PAM: variants seen among roughly 807,000 people sequenced by gnomAD.
PAM encodes the protein peptidyl-glycine alpha-amidating monooxygenase.
Under a neutral mutation model 122.1 loss-of-function variants are expected in PAM, and 72 were observed. The ratio of observed to expected loss-of-function variants is 0.59; its 90% CI spans 0.49 to 0.72. The LOEUF (loss-of-function observed/expected upper bound fraction) is 0.72, where lower values mean the gene tolerates loss of function less well. Among genes scored for constraint, PAM ranks in the 30% least tolerant of loss-of-function variants. The probability of loss-of-function intolerance (pLI) is 0.00; values close to 1 mark genes in which losing one functional copy is unlikely to be tolerated. For missense variants in PAM, 1,106 were observed against 1,183.7 expected (o/e 0.93, Z 0.96); for synonymous variants, 389 against 404.4 (o/e 0.96, Z 0.46).
At chr5:102,864,651 G>A (rs1041431790) in intron 1 of PAM, 8 of 151,946 alleles carry the variant, frequency 5.3e-5, no homozygotes, top group Non-Finnish European at 7.4e-5. Context: ...GATTTCCAGA[G>A]GCTGATGTAT....
chr5:102,804,569 TG>T (rs1765720481), intron 1 of PAM, among the ~76,000 whole-genome samples: 1 of 152,190 alleles, frequency 6.6e-6, no homozygotes, highest in South Asian at 2.1e-4. Context: ...GAAATCCAAA[TG>T]CTCATAATAA....
chr5:102,897,972 C>T (rs545975889), intron 3 of PAM, among the ~76,000 whole-genome samples: 20 of 151,616 alleles, frequency 1.3e-4, no homozygotes, highest in East Asian at 5.9e-4. Flanking sequence ...CATCTCTATT[C>T]GCAAACAACT....
intron 1 of PAM, among the ~76,000 whole-genome samples, chr5:102,773,915 A>G (rs1055242471): frequency 1.3e-5 from 2 of 151,882 alleles, no homozygotes; most frequent in Non-Finnish European, 1.5e-5. Flanking sequence ...TTCATTCTTC[A>G]TGTTCATAGT....
chr5:102,979,030 TCACACA>T (rs10578523), intron 15 of PAM, among the ~76,000 whole-genome samples: 1,943 of 146,992 alleles, frequency 0.013, 24 homozygotes, highest in African/African-American at 0.04. Flanking sequence ...TTATTCTGCA[TCACACA>T]CACACACACA....
intron 1 of PAM, among the ~76,000 whole-genome samples, chr5:102,768,806 T>C (rs1754923789): frequency 6.6e-6 from 1 of 152,210 alleles, no homozygotes; most frequent in Admixed American, 6.5e-5. Context: ...AGTGCAGATA[T>C]CTCTTCAATA....
At chr5:102,923,688 G>A (rs1343113303) in intron 5 of PAM, among the ~76,000 whole-genome samples, 1 of 152,142 alleles carries the variant, frequency 6.6e-6, no homozygotes, top group Non-Finnish European at 1.5e-5. Context: ...CTGAGTTACC[G>A]CACTGAGTGC....
At chr5:102,965,180 C>CACACAT (rs1432365282) in intron 14 of PAM, among the ~76,000 whole-genome samples, 1 of 151,358 alleles carries the variant, frequency 6.6e-6, no homozygotes, top group Non-Finnish European at 1.5e-5. Flanking sequence ...CACACACACA[C>CACACAT]ACACACACAC....
chr5:102,987,024 A>T (rs1446718939), intron 15 of PAM, among the ~76,000 whole-genome samples: 2 of 152,178 alleles, frequency 1.3e-5, no homozygotes, highest in Admixed American at 1.3e-4. Flanking sequence ...CAATCTACAG[A>T]TTTAGTGCAA....
intron 12 of PAM, among the ~76,000 whole-genome samples, chr5:102,952,752 T>A (rs1759366339): frequency 6.6e-6 from 1 of 152,196 alleles, no homozygotes; most frequent in African/African-American, 2.4e-5. Flanking sequence ...CATAGATGAT[T>A]ACAGGATCAC....
intron 12 of PAM, among the ~76,000 whole-genome samples, chr5:102,955,542 A>G (rs545076170): frequency 6.6e-6 from 1 of 152,100 alleles, no homozygotes; most frequent in Non-Finnish European, 1.5e-5. Flanking sequence ...AGGCTCACAC[A>G]TTATGTCAGA....
intron 7 of PAM, among the ~76,000 whole-genome samples, chr5:102,944,255 T>C (rs1756236611): frequency 6.6e-6 from 1 of 152,048 alleles, no homozygotes; most frequent in Non-Finnish European, 1.5e-5. Context: ...ACACTAAAAT[T>C]ATTTTTATTG....
intron 1 of PAM, among the ~76,000 whole-genome samples, chr5:102,806,324 C>G (rs1051619783): frequency 1.3e-5 from 2 of 152,184 alleles, no homozygotes; most frequent in African/African-American, 4.8e-5. Context: ...GCCAGGATTG[C>G]AAGCCCAGAA....
chr5:102,860,637 G>A (rs550635135), intron 1 of PAM, among the ~76,000 whole-genome samples: 4 of 151,812 alleles, frequency 2.6e-5, no homozygotes, highest in African/African-American at 9.7e-5. Context: ...AGTGAGCTAA[G>A]ATCATGCCAC....
At chr5:102,970,070 A>G (rs1765346694) in intron 14 of PAM, among the ~76,000 whole-genome samples, 1 of 152,152 alleles carries the variant, frequency 6.6e-6, no homozygotes, top group Non-Finnish European at 1.5e-5. Flanking sequence ...AGATCAAAAT[A>G]AAGAGTCTAT....
At position 102,958,360 on chromosome 5, in the gene PAM, T is replaced by G. The variant is rs1761442874; in HGVS notation, c.906-1515T>G. Reference sequence around the variant, plus strand: ...GCCACATCTAAAATTCCTTTTTCCTTTTTGCTCAGTTGATCTACATATACC... The same window carrying G: ...GCCACATCTAAAATTCCTTTTTCCTGTTTGCTCAGTTGATCTACATATACC... On this transcript the variant is annotated intron_variant, in intron 12 of 25. Transcript: ENST00000438793. Among the ~76,000 whole-genome samples the G allele has an allele frequency of 3.3e-5, 5 of 152,316 alleles. No homozygotes were observed. The South Asian group carries it at 1.0e-3, about 32-fold the overall frequency.
intron 12 of PAM, among the ~76,000 whole-genome samples, chr5:102,958,336 C>T (rs979462667): frequency 6.6e-6 from 1 of 152,164 alleles, no homozygotes; most frequent in Non-Finnish European, 1.5e-5. Flanking sequence ...AAAGCTAGAG[C>T]CACATCTAAA....
At chr5:102,920,633 T>C (rs895236924) in intron 5 of PAM, among the ~76,000 whole-genome samples, 1 of 152,126 alleles carries the variant, frequency 6.6e-6, no homozygotes, top group Admixed American at 6.6e-5. Flanking sequence ...ACTGAATGCA[T>C]TTTGAAAGGT....
chr5:102,873,988 G>A (rs1232270542), intron 3 of PAM, among the ~76,000 whole-genome samples: 1 of 152,136 alleles, frequency 6.6e-6, no homozygotes, highest in African/African-American at 2.4e-5. Flanking sequence ...CTTATGCAAT[G>A]TGTATAAAAT....
chr5:102,825,768 G>T lies in PAM; in HGVS notation c.-373-40055G>T, dbSNP rs78935595. Among the ~76,000 whole-genome samples, 97 of 152,258 alleles carry T rather than the reference G, an allele frequency of 6.4e-4. 2 individuals are homozygous for T. The East Asian group carries it at 0.017, about 27-fold the overall frequency. On this transcript the variant is annotated intron_variant, in intron 1 of 25. Coordinates refer to ENST00000438793, the MANE Select transcript of PAM (RefSeq NM_001177306.2). ...AGGCTGAGACAGAAGGATTGCTTGA[G>T]CCCGGAAGTTAAAGGCTACAAGTGA...
Sources: allele counts gnomAD v4.1 joint callset (sites outside exome capture counted in the v4.1 genomes callset), GRCh38; gene constraint gnomAD v4.1.1; transcripts MANE v1.5; gene names NCBI Gene and HGNC (gene_info 2026-07-23, HGNC 2026-07-21).